Variants in SCAPER observed in about 807,000 individuals in gnomAD.
SCAPER encodes the protein S phase cyclin A-associated protein in the endoplasmic reticulum.
A neutral mutation model predicts 182.2 loss-of-function variants in SCAPER; 98 were observed. The ratio of observed to expected loss-of-function variants is 0.54; its 90% CI spans 0.46 to 0.64. The LOEUF (loss-of-function observed/expected upper bound fraction) is 0.64, where lower values mean the gene tolerates loss of function less well. SCAPER is among the 30% of genes least tolerant of loss of function. The probability of loss-of-function intolerance (pLI) is 0.00; values close to 1 mark genes in which losing one functional copy is unlikely to be tolerated. For missense variants in SCAPER, 1,432 were observed against 1,690.0 expected (o/e 0.85, Z 2.68); for synonymous variants, 605 against 564.6 (o/e 1.07, Z -1.01).
chr15:76,698,758 T>C (rs1368251277), intron 20 of SCAPER, among the ~76,000 whole-genome samples: 1 of 152,228 alleles, frequency 6.6e-6, no homozygotes, highest in East Asian at 1.9e-4. Context: ...ATATTTTTGG[T>C]TCCATATGAA....
intron 21 of SCAPER, among the ~76,000 whole-genome samples, chr15:76,655,929 A>G (rs2055595941): frequency 6.6e-6 from 1 of 152,286 alleles, no homozygotes; most frequent in African/African-American, 2.4e-5. Flanking sequence ...AAAGATTATC[A>G]TGGCCCACAA....
intron 5 of SCAPER, among the ~76,000 whole-genome samples, chr15:76,810,449 A>G (rs2066503554): frequency 6.6e-6 from 1 of 151,576 alleles, no homozygotes; most frequent in Non-Finnish European, 1.5e-5. Context: ...TAACAATAAA[A>G]TATTTTACAT....
chr15:76,431,676 C>CAAAATAAAAAAAAAAAAAAA (rs2046869079), intron 26 of SCAPER, among the ~76,000 whole-genome samples: 1 of 47,128 alleles, frequency 2.1e-5, no homozygotes, highest in Non-Finnish European at 3.5e-5. Flanking sequence ...AAATGATTAG[C>CAAAATAAAAAAAAAAAAAAA]AAAAAAAAAA....
At chr15:76,599,426 G>T (rs540030790) in intron 22 of SCAPER, among the ~76,000 whole-genome samples, 1 of 121,656 alleles carries the variant, frequency 8.2e-6, no homozygotes, top group African/African-American at 2.5e-5. Flanking sequence ...TCACCCAATA[G>T]AAATGAAAAC....
At position 76,714,646 on chromosome 15, in the gene SCAPER, T is replaced by A. The variant is rs573388012; in HGVS notation, c.2166-8662A>T. Reference sequence around the variant, plus strand: ...GATGTTCTCTTTCTTGGCCAGGTAGTCACATGGGTGAGATGACAATTCATC... The same window carrying A: ...GATGTTCTCTTTCTTGGCCAGGTAGACACATGGGTGAGATGACAATTCATC... On this transcript the variant is annotated intron_variant, in intron 17 of 31. Transcript: ENST00000563290. 2.0e-5 allele frequency among the ~76,000 whole-genome samples: 3 copies of A among 152,232 alleles called. No homozygotes were observed. The South Asian group carries it at 6.2e-4, about 32-fold the overall frequency.
intron 23 of SCAPER, among the ~76,000 whole-genome samples, chr15:76,530,322 C>T (rs1323811203): frequency 6.6e-6 from 1 of 152,174 alleles, no homozygotes; most frequent in Non-Finnish European, 1.5e-5. Context: ...TTAATGACCA[C>T]ATGACTCCTT....
chr15:76,904,180 G>A (rs536280451), intron 1 of SCAPER, among the ~76,000 whole-genome samples: 2 of 152,128 alleles, frequency 1.3e-5, no homozygotes, highest in Admixed American at 6.5e-5. Context: ...CCAACCTTAG[G>A]TCAGAAAACT....
chr15:76,699,899 C>A (rs1002603598), intron 20 of SCAPER, among the ~76,000 whole-genome samples: 4 of 152,188 alleles, frequency 2.6e-5, no homozygotes, highest in Non-Finnish European at 4.4e-5. Flanking sequence ...GGAGTCCATA[C>A]CTGCACCGGT....
intron 7 of SCAPER, among the ~76,000 whole-genome samples, chr15:76,799,242 T>C (rs1431071873): frequency 6.6e-6 from 1 of 152,160 alleles, no homozygotes; most frequent in Non-Finnish European, 1.5e-5. Flanking sequence ...CTATTTATGA[T>C]TGAATATATT....
intron 22 of SCAPER, among the ~76,000 whole-genome samples, chr15:76,615,602 C>T (rs891232767): frequency 2.0e-5 from 3 of 151,302 alleles, no homozygotes; most frequent in Non-Finnish European, 4.4e-5. Flanking sequence ...AGGCAGATCA[C>T]GAGGTCAGGA....
intron 15 of SCAPER, among the ~76,000 whole-genome samples, chr15:76,738,266 C>T (rs149793712): frequency 3.4e-4 from 52 of 152,152 alleles, no homozygotes; most frequent in African/African-American, 9.9e-4. Context: ...GTGGATGGGA[C>T]GATAAGCATG....
intron 24 of SCAPER, among the ~76,000 whole-genome samples, chr15:76,491,095 A>G (rs577760506): frequency 6.6e-6 from 1 of 152,288 alleles, no homozygotes; most frequent in Admixed American, 6.5e-5. Flanking sequence ...TCAATAAAGA[A>G]TAATTTCTAG....
At chr15:76,839,309 A>T (rs7163296) in intron 5 of SCAPER, among the ~76,000 whole-genome samples, 6,977 of 152,276 alleles carry the variant, frequency 0.046, 471 homozygotes, top group African/African-American at 0.15. Flanking sequence ...AATAGGAAAA[A>T]ATCTTTCAGT....
chr15:76,730,214 C>G (rs553674705), intron 16 of SCAPER, among the ~76,000 whole-genome samples: 30 of 152,030 alleles, frequency 2.0e-4, no homozygotes, highest in Non-Finnish European at 3.7e-4. Flanking sequence ...GTAACTTCAT[C>G]TCCACAACAA....
intron 24 of SCAPER, among the ~76,000 whole-genome samples, chr15:76,485,502 A>G (rs543289762): frequency 1.3e-5 from 2 of 152,356 alleles, no homozygotes; most frequent in East Asian, 3.9e-4. Flanking sequence ...TTAAATTACC[A>G]TTGGCATTCT....
intron 21 of SCAPER, among the ~76,000 whole-genome samples, chr15:76,658,953 A>G (rs981925626): frequency 3.9e-5 from 6 of 152,200 alleles, no homozygotes; most frequent in African/African-American, 1.4e-4. Flanking sequence ...GTGAAACATC[A>G]AACTATAAAA....
intron 29 of SCAPER, among the ~76,000 whole-genome samples, chr15:76,372,990 AT>A (rs2042287639): frequency 2.0e-5 from 3 of 151,226 alleles, no homozygotes; most frequent in Non-Finnish European, 4.4e-5. Flanking sequence ...ATGTGATTCC[AT>A]TTTTTTCTTT....
chr15:76,742,466 TAA>T (rs55751202), intron 15 of SCAPER, among the ~76,000 whole-genome samples: 15,950 of 36,246 alleles, frequency 0.44, 2,143 homozygotes, highest in South Asian at 0.53. Flanking sequence ...TGTCTTTTCC[TAA>T]AAAAAAAAAA....
chr15:76,750,286 T>C (rs967297236), intron 15 of SCAPER, among the ~76,000 whole-genome samples: 12 of 151,852 alleles, frequency 7.9e-5, no homozygotes, highest in East Asian at 5.8e-4. Context: ...AGTAAGGACA[T>C]TGATCAGTAA....
Sources: gnomAD v4.1 joint callset for allele counts (sites outside exome capture counted in the v4.1 genomes callset) on GRCh38, gnomAD v4.1.1 for gene constraint, MANE v1.5 for transcripts, NCBI Gene and HGNC (gene_info 2026-07-23, HGNC 2026-07-21) for gene names.